Variants in SPDYA observed in about 807,000 individuals in gnomAD.
The protein encoded by SPDYA is speedy/RINGO cell cycle regulator family member A.
SPDYA carries 11 observed loss-of-function variants against 36.7 expected under a neutral mutation model. The observed-to-expected ratio is 0.30, with a 90% CI of 0.19 to 0.50. The LOEUF is 0.50. Among genes scored for constraint, SPDYA ranks in the 20% least tolerant of loss-of-function variants. The pLI is 0.98. For synonymous variants in SPDYA, 115 were observed against 118.7 expected (o/e 0.97, Z 0.20); for missense variants, 287 against 370.9 (o/e 0.77, Z 1.86).
intron 6 of SPDYA, among the ~76,000 whole-genome samples, chr2:28,839,492 A>G (rs1040382976): frequency 6.6e-6 from 1 of 152,096 alleles, no homozygotes. Context: ...GGGAACCTTA[A>G]TTATTTTTAT....
At chr2:28,837,728 C>T (rs1668641664) in intron 6 of SPDYA, among the ~76,000 whole-genome samples, 2 of 149,500 alleles carry the variant, frequency 1.3e-5, no homozygotes, top group South Asian at 4.2e-4. Flanking sequence ...GGCAGTCTGA[C>T]TCCAGAGTCA....
rs2148115427 is a variant in SPDYA, at chr2:28,850,485, ACT to A, written c.*549_*550del. 1 of 934,434 alleles carries A rather than the reference ACT, an allele frequency of 1.1e-6. No homozygotes were observed. Among genetic ancestry groups the A allele is most frequent in the Admixed American group, 2.6e-5 (1 of 38,302 alleles). 57.9% of individuals were successfully genotyped at this position (934,434 alleles called of 1,614,324 possible). A position where few individuals can be genotyped will look rare whatever the true frequency, so the allele number is the denominator to read the frequency against. On this transcript the variant is annotated 3_prime_UTR_variant, in exon 8 of 8. Coordinates refer to ENST00000334056, the MANE Select transcript of SPDYA (RefSeq NM_182756.4). ...TCACAAAACTGTTAAAATATGAGTTACTCTCTTTATTGTAAGTTTTTTCTTTA... is the reference window on the plus strand; with the variant it reads ...TCACAAAACTGTTAAAATATGAGTTACTCTTTATTGTAAGTTTTTTCTTTA...
intron 5 of SPDYA, among the ~76,000 whole-genome samples, chr2:28,826,571 C>T (rs540565103): frequency 1.3e-5 from 2 of 150,968 alleles, no homozygotes; most frequent in Non-Finnish European, 3.0e-5. Flanking sequence ...CGGTCTTCCC[C>T]ATCACTTATC....
chr2:28,828,202 A>C (rs1668380290), intron 5 of SPDYA, among the ~76,000 whole-genome samples: 1 of 151,876 alleles, frequency 6.6e-6, no homozygotes, highest in Non-Finnish European at 1.5e-5. Flanking sequence ...GGCCAGGCAG[A>C]TCTTGAACTC....
chr2:28,824,840 C>T (rs1430783761), intron 5 of SPDYA, among the ~76,000 whole-genome samples: 7 of 151,988 alleles, frequency 4.6e-5, no homozygotes, highest in Admixed American at 2.6e-4. Flanking sequence ...TGAGCCACCG[C>T]GCCCAGCCAA....
chr2:28,844,063 TC>T (rs1248660248), intron 7 of SPDYA, among the ~76,000 whole-genome samples: 2 of 152,204 alleles, frequency 1.3e-5, no homozygotes, highest in Admixed American at 6.5e-5. Context: ...TAATTTTTCC[TC>T]AGAAATAAAT....
chr2:28,850,466 A>C lies in SPDYA; in HGVS notation c.*525A>C. The C allele has an allele frequency of 8.7e-7, 1 of 1,155,330 alleles. No homozygotes were observed. Among genetic ancestry groups the C allele is most frequent in the Non-Finnish European group, 1.2e-6 (1 of 805,690 alleles). 71.6% of individuals were successfully genotyped at this position (1,155,330 alleles called of 1,614,324 possible). A position where few individuals can be genotyped will look rare whatever the true frequency, so the allele number is the denominator to read the frequency against. ...AAAATATTTTCTATTTTTTTCACAAAACTGTTAAAATATGAGTTACTCTCT... is the reference window on the plus strand; with the variant it reads ...AAAATATTTTCTATTTTTTTCACAACACTGTTAAAATATGAGTTACTCTCT... On this transcript the variant is annotated 3_prime_UTR_variant, in exon 8 of 8. Transcript: ENST00000334056.
At chr2:28,814,858 GTGA>G (rs1312289803) in intron 2 of SPDYA, among the ~76,000 whole-genome samples, 172 bp downstream of exon 2, 3 of 152,028 alleles carry the variant, frequency 2.0e-5, no homozygotes, top group African/African-American at 7.2e-5. Context: ...ACCAAAGAAG[GTGA>G]TGATTATGTA....
rs1553316668 is a variant in SPDYA at position 28,840,348 on chromosome 2, T to G, written c.729T>G (p.Ser243=). 2 of 1,611,020 alleles carry G rather than the reference T, an allele frequency of 1.2e-6. No individual in the cohort carries two copies. The highest frequency in any genetic ancestry group is 4.5e-5 in the East Asian group (2 of 44,850). ...KKRRYVRLGL[S]SSSSLSSHTA... is the part of the protein sequence containing the mutation. ...GAAGATATGTTAGACTGGGATTGTC[T>G]TCATCATCATCTTTATCCAGTCATA... The change falls in exon 7 of 8, where the codon TCT becomes TCG. Residue 243 remains serine, a synonymous_variant. Transcript: ENST00000334056.
intron 7 of SPDYA, among the ~76,000 whole-genome samples, chr2:28,843,864 C>T (rs1429962869): frequency 6.6e-6 from 1 of 152,032 alleles, no homozygotes; most frequent in Non-Finnish European, 1.5e-5. Context: ...TTTCTCCTTA[C>T]TGTATGCTGT....
At chr2:28,839,782 G>A (rs1291831022) in intron 6 of SPDYA, among the ~76,000 whole-genome samples, 3 of 152,190 alleles carry the variant, frequency 2.0e-5, no homozygotes, top group Non-Finnish European at 4.4e-5. Context: ...GATTACAGGC[G>A]TGAGCCACCG....
chr2:28,839,688 GA>G (rs757188218), intron 6 of SPDYA, among the ~76,000 whole-genome samples: 1 of 152,084 alleles, frequency 6.6e-6, no homozygotes, highest in Non-Finnish European at 1.5e-5. Context: ...ATTTTTAGTA[GA>G]GACGGAGTTT....
intron 7 of SPDYA, chr2:28,840,933 T>TTG (rs1553316711): frequency 8.9e-6 from 2 of 224,344 alleles, no homozygotes; most frequent in Non-Finnish European, 1.5e-5. Flanking sequence ...AAAACCAGTT[T>TTG]TTTTTTTTTT....
Position 28,829,228 on chromosome 2 carries a change from G to A in SPDYA, c.461G>A (p.Arg154Lys), listed in dbSNP as rs1457586228. ...CCATGGGCTTTAGGGAAAAACTGGAGAAAATTGTTCCCTAATTTCTTAAAG... is the reference window on the plus strand; with the variant it reads ...CCATGGGCTTTAGGGAAAAACTGGAAAAAATTGTTCCCTAATTTCTTAAAG... ...IFPWALGKNW[R>K]KLFPNFLKLR... The change falls in exon 6 of 8, where the codon AGA becomes AAA. Residue 154 changes from arginine to lysine, a missense_variant. By Grantham distance (26) the Arg-to-Lys change is conservative. Coordinates refer to ENST00000334056, the MANE Select transcript of SPDYA (RefSeq NM_182756.4). The A allele has an allele frequency of 1.2e-6, 2 of 1,613,968 alleles. No individual in the cohort carries two copies. The highest frequency in any genetic ancestry group is 3.3e-5 in the Admixed American group (2 of 59,974).
chr2:28,843,638 C>T (rs910769330), intron 7 of SPDYA, among the ~76,000 whole-genome samples: 1 of 150,546 alleles, frequency 6.6e-6, no homozygotes, highest in African/African-American at 2.4e-5. Flanking sequence ...TATTTATATA[C>T]ATCACAATCA....
In SPDYA at chr2:28,849,911, T is replaced by G. The variant is rs1293711658; in HGVS notation, c.912T>G (p.Ser304=). ...KKTNFLKKDK[S]MEWFTGSEE ...CTAATTTCTTGAAGAAAGACAAATC[T>G]ATGGAGTGGTTTACAGGAAGTGAAG... Residue 304 remains serine (S), a synonymous_variant, in exon 8 of 8, where the codon TCT becomes TCG. Coordinates refer to ENST00000334056, the MANE Select transcript of SPDYA (RefSeq NM_182756.4). 1.9e-6 allele frequency: 3 copies of G among 1,595,968 alleles called. No individual in the cohort carries two copies. In the African/African-American group the frequency reaches 4.1e-5, roughly 22 times the overall value.
At position 28,850,583 on chromosome 2, in the gene SPDYA, G is replaced by A. The variant is rs1572526166; in HGVS notation, c.*642G>A. ...ACAGAAACTATTTGTCAATGATTAT[G>A]TAATAAACATATGATTTTATAACCA... On this transcript the variant is annotated 3_prime_UTR_variant, in exon 8 of 8. Coordinates refer to ENST00000334056, the MANE Select transcript of SPDYA (RefSeq NM_182756.4). 1.8e-6 allele frequency: 1 copy of A among 540,714 alleles called. No individual in the cohort carries two copies. The highest frequency in any genetic ancestry group is 3.1e-5 in the East Asian group (1 of 32,660). 33.5% of individuals were successfully genotyped at this position (540,714 alleles called of 1,614,324 possible). A position where few individuals can be genotyped will look rare whatever the true frequency, so the allele number is the denominator to read the frequency against.
intron 7 of SPDYA, among the ~76,000 whole-genome samples, chr2:28,842,731 T>C (rs112223084): frequency 0.019 from 2,919 of 152,302 alleles, 50 homozygotes; most frequent in Non-Finnish European, 0.032. Context: ...AGGAAAAGTA[T>C]TGATTGTACA....
At chr2:28,840,596 A>C in intron 7 of SPDYA, 127 bp downstream of exon 7, 2 of 1,415,738 alleles carry the variant, frequency 1.4e-6, no homozygotes, top group East Asian at 2.6e-5. Flanking sequence ...TAATCTTGAA[A>C]CTTTCTCCCC....
Sources: gnomAD v4.1 joint callset for allele counts (sites outside exome capture counted in the v4.1 genomes callset) on GRCh38, gnomAD v4.1.1 for gene constraint, MANE v1.5 for transcripts, NCBI Gene and HGNC (gene_info 2026-07-23, HGNC 2026-07-21) for gene names.